CSMD1: variants seen among roughly 807,000 people sequenced by gnomAD.
CSMD1 encodes the protein CUB and Sushi multiple domains 1, also known as CUB and sushi domain-containing protein 1.
A neutral mutation model predicts 417.5 loss-of-function variants in CSMD1; 213 were observed. The ratio of observed to expected loss-of-function variants is 0.51; its 90% CI spans 0.46 to 0.57. The LOEUF (loss-of-function observed/expected upper bound fraction) is 0.57. CSMD1 is among the 20% of genes least tolerant of loss of function. The pLI, the probability that CSMD1 is intolerant of heterozygous loss-of-function variation, is 0.00. For missense variants in CSMD1, 6,923 were observed against 4,529.7 expected (o/e 1.53, Z -15.17); for synonymous variants, 2,862 against 1,736.8 (o/e 1.65, Z -16.11).
chr8:3,766,321 T>C (rs1371238730), intron 5 of CSMD1, among the ~76,000 whole-genome samples: 1 of 152,142 alleles, frequency 6.6e-6, no homozygotes, highest in African/African-American at 2.4e-5. Flanking sequence ...CACACTGGTA[T>C]TAAAAATCTT....
chr8:4,707,723 C>T (rs1584974840), intron 1 of CSMD1, among the ~76,000 whole-genome samples: 1 of 151,754 alleles, frequency 6.6e-6, no homozygotes, highest in Non-Finnish European at 1.5e-5. Flanking sequence ...CCCATCTCTA[C>T]TAAAAATACA....
At chr8:4,084,482 T>G (rs1800314891) in intron 3 of CSMD1, among the ~76,000 whole-genome samples, 1 of 152,208 alleles carries the variant, frequency 6.6e-6, no homozygotes, top group African/African-American at 2.4e-5. Flanking sequence ...TAAAACATCT[T>G]TCATTAAGCC....
intron 3 of CSMD1, among the ~76,000 whole-genome samples, chr8:4,187,229 G>A (rs752320696): frequency 6.6e-6 from 1 of 152,066 alleles, no homozygotes; most frequent in South Asian, 2.1e-4. Flanking sequence ...AAATAATATG[G>A]AACTTTAACA....
intron 5 of CSMD1, among the ~76,000 whole-genome samples, chr8:3,754,254 G>C (rs930011066): frequency 2.0e-5 from 3 of 152,082 alleles, no homozygotes; most frequent in Non-Finnish European, 4.4e-5. Context: ...TGGAATGAAT[G>C]TTTTCAAAAA....
chr8:4,951,635 G>A (rs748616870), intron 1 of CSMD1, among the ~76,000 whole-genome samples: 8 of 151,408 alleles, frequency 5.3e-5, no homozygotes, highest in Admixed American at 4.0e-4. Context: ...AATGACTTCT[G>A]GGACTGTGAA....
intron 7 of CSMD1, among the ~76,000 whole-genome samples, chr8:3,704,494 A>T (rs1801055607): frequency 6.6e-6 from 1 of 152,218 alleles, no homozygotes; most frequent in Non-Finnish European, 1.5e-5. Context: ...GTAGTTATGC[A>T]GACAGCTTTA....
intron 5 of CSMD1, among the ~76,000 whole-genome samples, chr8:3,842,002 G>A (rs1473828290): frequency 2.6e-5 from 4 of 152,152 alleles, no homozygotes; most frequent in Non-Finnish European, 5.9e-5. Flanking sequence ...GCATCAATTT[G>A]TATATCGAGT....
At chr8:4,677,420 C>G (rs867572406) in intron 1 of CSMD1, among the ~76,000 whole-genome samples, 1 of 152,048 alleles carries the variant, frequency 6.6e-6, no homozygotes, top group Non-Finnish European at 1.5e-5. Flanking sequence ...GATTCTCTCT[C>G]TCTCTCTCGT....
chr8:3,262,529 C>T lies in CSMD1; in HGVS notation c.4153+21615G>A, dbSNP rs556599063. 3.9e-4 allele frequency among the ~76,000 whole-genome samples: 58 copies of T among 149,974 alleles called. No homozygotes were observed. The South Asian group carries it at 9.1e-3, about 23-fold the overall frequency. ...AGAGGCGCTATAAATGCTATTACTT[C>T]GGGCCAAATGAAAAAAAAAAGAAAA... On this transcript the variant is annotated intron_variant, in intron 26 of 69. Transcript: ENST00000635120.
chr8:3,636,628 C>T (rs1255321883), intron 7 of CSMD1, among the ~76,000 whole-genome samples: 2 of 152,172 alleles, frequency 1.3e-5, no homozygotes, highest in Non-Finnish European at 2.9e-5. Flanking sequence ...TTCTCCCACC[C>T]TACAAAACAA....
intron 5 of CSMD1, among the ~76,000 whole-genome samples, chr8:3,851,172 A>T (rs1803880265): frequency 2.0e-5 from 3 of 152,204 alleles, no homozygotes; most frequent in African/African-American, 4.8e-5. Context: ...ATATATTATG[A>T]TATCAGTTTT....
chr8:3,326,196 A>G (rs961038407), intron 23 of CSMD1, among the ~76,000 whole-genome samples: 7 of 152,194 alleles, frequency 4.6e-5, no homozygotes, highest in African/African-American at 1.4e-4. Flanking sequence ...GATGATATAC[A>G]TGTTGGTCAG....
At chr8:3,108,542 C>T in intron 44 of CSMD1, 61 bp downstream of exon 44, 1 of 1,549,616 alleles carries the variant, frequency 6.5e-7, no homozygotes, top group Admixed American at 1.7e-5. Context: ...CGTGGGACAA[C>T]ACTGCAGGAA....
At position 4,814,299 on chromosome 8, in the gene CSMD1, G is replaced by A. The variant is rs540593398; in HGVS notation, c.86-176741C>T. ...TCGCTCTTAATGGCCAGGCTGGAGC[G>A]CAATGGCACAAACTCAGTTCACTGC... On this transcript the variant is annotated intron_variant, in intron 1 of 69. Coordinates refer to ENST00000635120, the MANE Select transcript of CSMD1 (RefSeq NM_033225.6). 2.0e-5 allele frequency among the ~76,000 whole-genome samples: 3 copies of A among 152,242 alleles called. No homozygotes were observed. In the East Asian group the frequency reaches 5.8e-4, roughly 29 times the overall value.
intron 3 of CSMD1, among the ~76,000 whole-genome samples, chr8:4,218,531 T>A (rs1585042978): frequency 6.6e-6 from 1 of 152,204 alleles, no homozygotes; most frequent in African/African-American, 2.4e-5. Flanking sequence ...GCCTCTAAAC[T>A]CACATTTGAA....
intron 8 of CSMD1, among the ~76,000 whole-genome samples, chr8:3,596,616 C>A (rs984214085): frequency 1.3e-5 from 2 of 152,182 alleles, no homozygotes; most frequent in East Asian, 3.9e-4. Flanking sequence ...CTTATATCTA[C>A]ACTTGGCAAA....
chr8:4,443,596 T>C (rs1356305130), intron 2 of CSMD1, among the ~76,000 whole-genome samples: 2 of 150,850 alleles, frequency 1.3e-5, no homozygotes, highest in Non-Finnish European at 3.0e-5. Context: ...TTGCTTAAAA[T>C]ATAAAGAAAA....
intron 10 of CSMD1, among the ~76,000 whole-genome samples, chr8:3,500,166 T>A (rs147115024): frequency 6.6e-6 from 1 of 152,146 alleles, no homozygotes; most frequent in Non-Finnish European, 1.5e-5. Flanking sequence ...TGAGTTTCCA[T>A]GCCTTAGAGG....
At chr8:4,515,663 G>T (rs1367887417) in intron 2 of CSMD1, among the ~76,000 whole-genome samples, 1 of 152,114 alleles carries the variant, frequency 6.6e-6, no homozygotes, top group African/African-American at 2.4e-5. Flanking sequence ...TCCCTCTAGG[G>T]TGTTTGCCTG....
Sources: gnomAD v4.1 joint callset for allele counts (sites outside exome capture counted in the v4.1 genomes callset) on GRCh38, gnomAD v4.1.1 for gene constraint, MANE v1.5 for transcripts, NCBI Gene and HGNC (gene_info 2026-07-23, HGNC 2026-07-21) for gene names.